Variants in MED15 observed in about 807,000 individuals in gnomAD.
MED15 encodes the protein mediator complex subunit 15, also known as mediator of RNA polymerase II transcription subunit 15.
MED15 carries 41 observed loss-of-function variants against 118.7 expected under a neutral mutation model. The ratio of observed to expected loss-of-function variants is 0.35; its 90% CI spans 0.27 to 0.45. MED15 has a LOEUF of 0.45. Among genes scored for constraint, MED15 ranks in the 20% least tolerant of loss-of-function variants. MED15 has a pLI of 1.00. For synonymous variants in MED15, 436 were observed against 413.9 expected (o/e 1.05, Z -0.65); for missense variants, 740 against 1,025.5 (o/e 0.72, Z 3.80).
intron 16 of MED15, 85 bp from the exon 17 acceptor site, chr22:20,585,643 T>C: frequency 8.0e-7 from 1 of 1,244,722 alleles, no homozygotes; most frequent in Non-Finnish European, 1.2e-6. Flanking sequence ...CCTCCCTGGG[T>C]GTGGAGTCCT....
chr22:20,507,798 G>A (rs1254764694), intron 1 of MED15, 52 bp downstream of exon 1: 1 of 1,610,822 alleles, frequency 6.2e-7, no homozygotes, highest in South Asian at 1.1e-5. Flanking sequence ...CCTCCTTAGC[G>A]TGGCGGGCGA....
chr22:20,575,025 G>A, intron 8 of MED15, 88 bp from the exon 9 acceptor site: 1 of 1,570,086 alleles, frequency 6.4e-7, no homozygotes, highest in Non-Finnish European at 8.6e-7. Flanking sequence ...GCTCCTTCTT[G>A]CAGAGGCTAC....
At position 20,525,725 on chromosome 22, in the gene MED15, G is replaced by C. The variant is rs141994484; in HGVS notation, c.69-11392G>C. Among the ~76,000 whole-genome samples, 5 of 151,006 alleles carry C rather than the reference G, an allele frequency of 3.3e-5. No individual in the cohort carries two copies. The South Asian group carries it at 1.1e-3, about 32-fold the overall frequency. ...CTAATTTTGTATTTTTAGTAGAGAC[G>C]GGGTTTCTCCATGTTGGTCAGGGTG... On this transcript the variant is annotated intron_variant, in intron 1 of 17. Transcript: ENST00000263205.
intron 1 of MED15, chr22:20,508,101 A>G: frequency 1.6e-6 from 2 of 1,276,466 alleles, no homozygotes; most frequent in Non-Finnish European, 2.0e-6. Context: ...TGGGTTTAGC[A>G]GGGCTGGGTG....
At chr22:20,559,753 T>A (rs915143058) in intron 5 of MED15, among the ~76,000 whole-genome samples, 7 of 152,244 alleles carry the variant, frequency 4.6e-5, no homozygotes, top group Non-Finnish European at 7.3e-5. Flanking sequence ...AAGCAAGCCA[T>A]TTTTAGATAA....
chr22:20,531,510 G>C (rs1184980144), intron 1 of MED15, among the ~76,000 whole-genome samples: 1 of 152,184 alleles, frequency 6.6e-6, no homozygotes, highest in Non-Finnish European at 1.5e-5. Flanking sequence ...CTCCTCCCCT[G>C]TCTGCTTCCT....
At position 20,566,780 on chromosome 22, in the gene MED15, C is replaced by T. The variant is rs2056458629; in HGVS notation, c.1004C>T (p.Pro335Leu). The T allele has an allele frequency of 1.2e-6, 2 of 1,614,112 alleles. No homozygotes were observed. The highest frequency in any genetic ancestry group is 1.7e-6 in the Non-Finnish European group (2 of 1,180,050). Residue 335 changes from proline to leucine, a missense_variant, in exon 7 of 18, where the codon CCT becomes CTT. By Grantham distance (98) the Pro-to-Leu change is moderately conservative. This residue lies in a region of MED15 where 384 missense variants were observed against 506.3 expected (regional missense o/e 0.76). Coordinates refer to ENST00000263205, the MANE Select transcript of MED15 (RefSeq NM_001003891.3). ...TTGGTGTCACAGGCGCAAGCTCTCC[C>T]TGGACAAATGTTGTATACCCAACCA... ...QPLVSQAQAL[P>L]GQMLYTQPPL...
chr22:20,551,531 G>T (rs2055775816), intron 3 of MED15, 44 bp downstream of exon 3: 1 of 1,580,266 alleles, frequency 6.3e-7, no homozygotes, highest in Admixed American at 1.7e-5. Flanking sequence ...ATCTCTGTGA[G>T]AGGCCAGCCC....
At chr22:20,508,487 T>C (rs906439714) in intron 1 of MED15, 6 of 1,145,200 alleles carry the variant, frequency 5.2e-6, no homozygotes, top group Non-Finnish European at 5.8e-6. Flanking sequence ...GCAGGTGGGC[T>C]GAGTCCGAAA....
intron 9 of MED15, among the ~76,000 whole-genome samples, chr22:20,577,068 G>A (rs976985433): frequency 3.3e-5 from 5 of 152,180 alleles, no homozygotes; most frequent in African/African-American, 1.2e-4. Flanking sequence ...ACTGTTTCTT[G>A]TTGTAGCAGG....
chr22:20,548,318 G>A (rs1291491318), intron 2 of MED15, among the ~76,000 whole-genome samples: 2 of 151,946 alleles, frequency 1.3e-5, no homozygotes, highest in Non-Finnish European at 1.5e-5. Flanking sequence ...TGCGCCACCA[G>A]GCCTGGCTAA....
chr22:20,565,468 C>T (rs165685), intron 6 of MED15, among the ~76,000 whole-genome samples: 21,844 of 152,224 alleles, frequency 0.14, 1,919 homozygotes, highest in South Asian at 0.21. Flanking sequence ...ATGTTAGCAG[C>T]ACTGCTTCTC....
intron 5 of MED15, among the ~76,000 whole-genome samples, chr22:20,555,393 G>A (rs556862775): frequency 3.9e-5 from 6 of 152,268 alleles, no homozygotes; most frequent in African/African-American, 1.4e-4. Context: ...GGTGGGGATG[G>A]CCTGAGACTC....
At chr22:20,511,041 G>T (rs767728367) in intron 1 of MED15, among the ~76,000 whole-genome samples, 1 of 152,088 alleles carries the variant, frequency 6.6e-6, no homozygotes, top group Non-Finnish European at 1.5e-5. Context: ...GTTGAAAGTC[G>T]TGATTCTTGG....
intron 2 of MED15, chr22:20,551,101 AC>A (rs1369231516): frequency 3.7e-6 from 2 of 539,218 alleles, no homozygotes; most frequent in Non-Finnish European, 7.3e-6. Flanking sequence ...GCGCCTCATC[AC>A]CCCCAACCTG....
chr22:20,544,058 T>C (rs2055426613), intron 2 of MED15, among the ~76,000 whole-genome samples: 1 of 152,238 alleles, frequency 6.6e-6, no homozygotes, highest in Non-Finnish European at 1.5e-5. Flanking sequence ...CCTTTAATTT[T>C]CATGTTTCTA....
intron 3 of MED15, among the ~76,000 whole-genome samples, chr22:20,552,931 T>A (rs181507206): frequency 1.4e-4 from 22 of 152,276 alleles, no homozygotes; most frequent in Non-Finnish European, 3.1e-4. Flanking sequence ...GGCCCCAGGT[T>A]GACCCTGGAG....
intron 9 of MED15, among the ~76,000 whole-genome samples, chr22:20,581,491 G>A (rs1028769372): frequency 6.6e-6 from 1 of 152,228 alleles, no homozygotes; most frequent in South Asian, 2.1e-4. Flanking sequence ...TTGGTCTACA[G>A]AAATGGATGG....
chr22:20,515,871 T>G (rs771307957), intron 1 of MED15, among the ~76,000 whole-genome samples: 1 of 151,642 alleles, frequency 6.6e-6, no homozygotes, highest in African/African-American at 2.4e-5. Context: ...GGCATAGTGG[T>G]GCACACCTGT....
Sources: allele counts gnomAD v4.1 joint callset (sites outside exome capture counted in the v4.1 genomes callset), GRCh38; gene constraint gnomAD v4.1.1; regional missense constraint gnomAD v4.1.1; transcripts MANE v1.5; gene names NCBI Gene and HGNC (gene_info 2026-07-23, HGNC 2026-07-21).